DOCK9: variants seen among roughly 807,000 people sequenced by gnomAD.
The protein encoded by DOCK9 is dedicator of cytokinesis 9.
Under a neutral mutation model 263.3 loss-of-function variants are expected in DOCK9, and 89 were observed. The ratio of observed to expected loss-of-function variants is 0.34; its 90% CI spans 0.28 to 0.40. The LOEUF (loss-of-function observed/expected upper bound fraction) is 0.40, where lower values mean the gene tolerates loss of function less well. Among genes scored for constraint, DOCK9 ranks in the 10% least tolerant of loss-of-function variants. The probability of loss-of-function intolerance (pLI) is 1.00; values close to 1 mark genes in which losing one functional copy is unlikely to be tolerated. For synonymous variants in DOCK9, 976 were observed against 973.1 expected (o/e 1.00, Z -0.06); for missense variants, 2,140 against 2,603.4 (o/e 0.82, Z 3.87).
At chr13:99,085,930 G>A (rs1225044986) in intron 1 of DOCK9, among the ~76,000 whole-genome samples, 1 of 152,124 alleles carries the variant, frequency 6.6e-6, no homozygotes, top group Non-Finnish European at 1.5e-5. Flanking sequence ...AGAGAGCGGG[G>A]TGAAAAGAGT....
intron 7 of DOCK9, 80 bp downstream of exon 7, chr13:98,920,874 G>T: frequency 7.2e-7 from 1 of 1,380,336 alleles, no homozygotes; most frequent in Non-Finnish European, 9.7e-7. Flanking sequence ...TTTTGGAAGT[G>T]TTTGCTTAAA....
chr13:98,915,640 A>C, intron 7 of DOCK9, 137 bp from the exon 8 acceptor site: 37 of 670,272 alleles, frequency 5.5e-5, no homozygotes, highest in Middle Eastern at 4.4e-4. Flanking sequence ...CCCCCTCCTC[A>C]TGAAAGCCCC....
intron 1 of DOCK9, among the ~76,000 whole-genome samples, chr13:98,988,652 C>G (rs1879031258): frequency 1.3e-5 from 2 of 152,220 alleles, no homozygotes; most frequent in Non-Finnish European, 2.9e-5. Context: ...ACTATAAAGA[C>G]TTAAAACTGA....
At chr13:98,974,748 C>CA (rs57196019) in intron 1 of DOCK9, among the ~76,000 whole-genome samples, 335 of 33,106 alleles carry the variant, frequency 0.01, 37 homozygotes, top group South Asian at 0.013. Flanking sequence ...AACTCTGTCT[C>CA]AAAAAAAAAA....
At chr13:98,821,907 C>T (rs532181502) in intron 45 of DOCK9, among the ~76,000 whole-genome samples, 9 of 152,284 alleles carry the variant, frequency 5.9e-5, no homozygotes, top group African/African-American at 2.2e-4. Flanking sequence ...CTGTGTTATA[C>T]ACTTATCTCC....
At chr13:99,084,151 C>A (rs1395236922) in intron 1 of DOCK9, among the ~76,000 whole-genome samples, 1 of 152,162 alleles carries the variant, frequency 6.6e-6, no homozygotes, top group Non-Finnish European at 1.5e-5. Flanking sequence ...GGCAGGTGCA[C>A]CTGCTGTGGC....
rs771723795 is a variant in DOCK9 at position 98,860,502 on chromosome 13, C to T, written c.3600G>A (p.Leu1200=). The change falls in exon 33 of 53, where the codon CTG becomes CTA. Residue 1200 remains leucine (L), a synonymous_variant. Transcript: ENST00000682017. ...CCAGCGGATTCACAGCTGGTAGAGC[C>T]AGGGATTCATCCTTCACAGTCTGTC... ...NAGMTVKDES[L]ALPAVNPLVT... is the part of the protein sequence containing the mutation. The T allele has an allele frequency of 2.5e-6, 4 of 1,573,298 alleles. No homozygotes were observed. The Admixed American group carries it at 7.3e-5, about 29-fold the overall frequency.
rs563010504 is a variant in DOCK9 at position 98,825,216 on chromosome 13, T to C, written c.5024-712A>G. Reference sequence around the variant, plus strand: ...ACAGCCCATTTGGGACCTTTCCTCGTCTTAGAGTCACTGGAAAACAGCTTT... The same window carrying C: ...ACAGCCCATTTGGGACCTTTCCTCGCCTTAGAGTCACTGGAAAACAGCTTT... On this transcript the variant is annotated intron_variant, in intron 44 of 52. Coordinates refer to ENST00000682017, the MANE Select transcript of DOCK9 (RefSeq NM_001366683.2). The surrounding 1 kb of genome is among the most constrained non-coding windows in gnomAD (Gnocchi z 4.1). 6.6e-6 allele frequency among the ~76,000 whole-genome samples: 1 copy of C among 152,330 alleles called. No individual in the cohort carries two copies. Among genetic ancestry groups the C allele is most frequent in the East Asian group, 1.9e-4 (1 of 5,186 alleles).
intron 22 of DOCK9, 141 bp downstream of exon 22, chr13:98,883,672 A>T: frequency 1.8e-6 from 1 of 569,538 alleles, no homozygotes; most frequent in Non-Finnish European, 3.1e-6. Flanking sequence ...TAAGCACTTC[A>T]GTTGTACTTT....
At chr13:98,974,655 C>A (rs1387544033) in intron 1 of DOCK9, among the ~76,000 whole-genome samples, 1 of 141,448 alleles carries the variant, frequency 7.1e-6, no homozygotes, top group African/African-American at 2.6e-5. Context: ...GAGGCTGAGA[C>A]AGGAGAATCG....
chr13:98,958,259 C>T (rs2058280044), intron 1 of DOCK9, among the ~76,000 whole-genome samples: 1 of 152,250 alleles, frequency 6.6e-6, no homozygotes, highest in East Asian at 1.9e-4. Context: ...CTGCTGCCAC[C>T]CCTTCAGCAG....
At chr13:99,088,355 G>A (rs1169060995), upstream of DOCK9, 1 of 152,214 alleles carries the variant, frequency 6.6e-6, no homozygotes, top group African/African-American at 2.4e-5. Flanking sequence ...TGCCTCCCCG[G>A]GGAACGCACT....
At chr13:98,930,096 A>C in intron 3 of DOCK9, 72 bp downstream of exon 3, 1 of 1,359,800 alleles carries the variant, frequency 7.4e-7, no homozygotes, top group Non-Finnish European at 1.0e-6. Flanking sequence ...GACAATTTTG[A>C]AATTTAAAGA....
intron 1 of DOCK9, among the ~76,000 whole-genome samples, chr13:99,033,905 A>G (rs1397713283): frequency 6.6e-6 from 1 of 151,980 alleles, no homozygotes; most frequent in African/African-American, 2.4e-5. Context: ...AAAAATAGAG[A>G]TCAAAATGCC....
intron 2 of DOCK9, among the ~76,000 whole-genome samples, chr13:98,942,875 A>G (rs562716469): frequency 6.6e-6 from 1 of 152,338 alleles, no homozygotes; most frequent in East Asian, 1.9e-4. Context: ...GTACCTACAC[A>G]TATCTACACA....
intron 1 of DOCK9, among the ~76,000 whole-genome samples, chr13:99,061,284 A>G (rs1416922634): frequency 6.6e-6 from 1 of 152,154 alleles, no homozygotes; most frequent in East Asian, 1.9e-4. Context: ...ACTGCTGTAC[A>G]CTTTCTCCTC....
intron 4 of DOCK9, 131 bp from the exon 5 acceptor site, chr13:98,923,502 G>C: frequency 4.1e-6 from 3 of 739,202 alleles, no homozygotes; most frequent in Non-Finnish European, 4.6e-6. Flanking sequence ...TTCAGACAAA[G>C]AATAAAACCA....
intron 1 of DOCK9, among the ~76,000 whole-genome samples, chr13:99,013,260 T>C (rs1416353261): frequency 6.6e-6 from 1 of 152,142 alleles, no homozygotes; most frequent in African/African-American, 2.4e-5. Context: ...TGTGTCAACA[T>C]ATGTCTGGCT....
intron 13 of DOCK9, among the ~76,000 whole-genome samples, chr13:98,901,574 A>T (rs17783357): frequency 0.13 from 19,844 of 152,314 alleles, 1,346 homozygotes; most frequent in South Asian, 0.2. Flanking sequence ...CTGTCTAGTC[A>T]AGTGGATCAT....
Sources: allele counts gnomAD v4.1 joint callset (sites outside exome capture counted in the v4.1 genomes callset), GRCh38; gene constraint gnomAD v4.1.1; non-coding constraint Gnocchi (gnomAD v3.1); transcripts MANE v1.5; gene names NCBI Gene and HGNC (gene_info 2026-07-23, HGNC 2026-07-21).